CEP68: variants seen among roughly 807,000 people sequenced by gnomAD.
The protein encoded by CEP68 is centrosomal protein 68.
Under a neutral mutation model 55.3 loss-of-function variants are expected in CEP68, and 26 were observed. The observed-to-expected ratio is 0.47, with a 90% confidence interval of 0.34 to 0.65. CEP68 has a LOEUF of 0.65. Ranked by LOEUF, CEP68 falls within the 30% of genes least tolerant of loss-of-function variation. The pLI, the probability that CEP68 is intolerant of heterozygous loss-of-function variation, is 0.01. For missense variants in CEP68, 957 were observed against 946.7 expected, an observed-to-expected ratio of 1.01 and a Z score of -0.14; for synonymous variants, 402 against 383.2, an observed-to-expected ratio of 1.05 and a Z score of -0.57.
intron 5 of CEP68, among the ~76,000 whole-genome samples, chr2:65,079,776 C>T (rs528147750): frequency 2.9e-4 from 44 of 152,330 alleles, no homozygotes; most frequent in Admixed American, 7.2e-4. Context: ...CTTTCCGCAG[C>T]TTCCCAGTGT....
intron 4 of CEP68, chr2:65,074,882 A>C: frequency 4.3e-6 from 1 of 231,646 alleles, no homozygotes; most frequent in Non-Finnish European, 8.7e-6. Flanking sequence ...CACTATTATG[A>C]CGCCTCTAGT....
At chr2:65,074,792 C>T (rs1187152646) in intron 4 of CEP68, 1 of 257,858 alleles carries the variant, frequency 3.9e-6, no homozygotes, top group East Asian at 1.1e-4. Flanking sequence ...AAAGTTTTTT[C>T]TTAATTAAAA....
intron 6 of CEP68, 104 bp downstream of exon 6, chr2:65,082,813 G>GAGAT: frequency 2.1e-6 from 2 of 963,742 alleles, no homozygotes; most frequent in East Asian, 5.7e-5. Context: ...TTAAACAAAT[G>GAGAT]AGATACTGGA....
intron 1 of CEP68, among the ~76,000 whole-genome samples, chr2:65,058,828 C>G (rs765180347): frequency 6.6e-6 from 1 of 152,046 alleles, no homozygotes; most frequent in Non-Finnish European, 1.5e-5. Flanking sequence ...TTTTAAACAT[C>G]CCTTTAGCCT....
chr2:65,058,253 T>C (rs1185998806), intron 1 of CEP68, among the ~76,000 whole-genome samples: 5 of 152,184 alleles, frequency 3.3e-5, no homozygotes, highest in Non-Finnish European at 7.3e-5. Flanking sequence ...TCACCCAGGC[T>C]GGAGTACAGT....
chr2:65,080,787 C>T (rs1322718862), intron 5 of CEP68, among the ~76,000 whole-genome samples: 1 of 152,128 alleles, frequency 6.6e-6, no homozygotes, highest in Non-Finnish European at 1.5e-5. Context: ...CACTGTACTC[C>T]AGCCTGGGCA....
At chr2:65,063,625 G>C (rs1035295290) in intron 1 of CEP68, among the ~76,000 whole-genome samples, 9 of 152,190 alleles carry the variant, frequency 5.9e-5, no homozygotes, top group Admixed American at 1.3e-4. Context: ...CTACCCCAGA[G>C]GGTTAGGAGG....
intron 3 of CEP68, chr2:65,073,774 G>C (rs1676624293): frequency 6.2e-6 from 1 of 162,178 alleles, no homozygotes; most frequent in Admixed American, 5.9e-5. Flanking sequence ...CACCTTCCCA[G>C]GAGGTGACGT....
chr2:65,074,350 G>T lies in CEP68; in HGVS notation c.1953G>T (p.Gly651=), dbSNP rs201117405. Residue 651 remains glycine, a synonymous_variant, in exon 4 of 7, where the codon GGG becomes GGT. Transcript: ENST00000377990. ...LYNVADVTDH[G]TAARSNLTSL... ...ATGTTGCAGATGTTACTGACCACGG[G>T]ACTGCAGCCAGGTCCAATCTTACAA... is the stretch of plus-strand genomic sequence containing the variant. 29 of 1,614,180 alleles carry T rather than the reference G, an allele frequency of 1.8e-5. No individual in the cohort carries two copies. In the African/African-American group the frequency reaches 1.9e-4, roughly 10 times the overall value.
chr2:65,074,475 A>T, intron 4 of CEP68, 71 bp downstream of exon 4: 1 of 1,605,618 alleles, frequency 6.2e-7, no homozygotes. Context: ...TACAAAGTAA[A>T]ATCTCAAATA....
At chr2:65,060,935 G>A (rs1675883654) in intron 1 of CEP68, among the ~76,000 whole-genome samples, 1 of 152,192 alleles carries the variant, frequency 6.6e-6, no homozygotes, top group African/African-American at 2.4e-5. Context: ...CCAGCACTTT[G>A]GGAGGCCGAG....
rs1676472085 is a variant in CEP68 at position 65,071,708 on chromosome 2, C to T, written c.612C>T (p.Gly204=). 1 of 1,614,088 alleles carries T rather than the reference C, an allele frequency of 6.2e-7. No homozygotes were observed. The highest frequency in any genetic ancestry group is 1.6e-4 in the Middle Eastern group (1 of 6,062). ...SSCSISASST[G]SSLQGHQERA... is the part of the protein sequence containing the mutation. The stretch of plus-strand genomic sequence containing the variant: ...GCAGCATCTCTGCTTCCTCCACAGG[C>T]AGCAGTCTCCAGGGTCACCAGGAGA... Residue 204 remains glycine, a synonymous_variant, in exon 3 of 7, where the codon GGC becomes GGT. Transcript: ENST00000377990.
chr2:65,071,315 C>G, intron 2 of CEP68, 139 bp from the exon 3 acceptor site: 1 of 688,066 alleles, frequency 1.5e-6, no homozygotes, highest in South Asian at 1.9e-5. Context: ...CTGGTTCTTG[C>G]CTCAGGCAGC....
At chr2:65,065,839 C>A (rs762168215) in intron 1 of CEP68, among the ~76,000 whole-genome samples, 73 of 151,964 alleles carry the variant, frequency 4.8e-4, no homozygotes, top group African/African-American at 1.7e-3. Flanking sequence ...GTCTGTAGTC[C>A]CAGCTACTCA....
intron 1 of CEP68, among the ~76,000 whole-genome samples, chr2:65,062,531 T>TAAAA (rs749717190): frequency 4.6e-5 from 2 of 43,734 alleles, no homozygotes; most frequent in African/African-American, 1.8e-4. Flanking sequence ...AGACTCCATC[T>TAAAA]CAAAAAAAAA....
chr2:65,066,294 A>G (rs1676159913), intron 1 of CEP68, among the ~76,000 whole-genome samples: 1 of 152,234 alleles, frequency 6.6e-6, no homozygotes, highest in South Asian at 2.1e-4. Context: ...TATCAATGAT[A>G]TAATGAAAAG....
In CEP68 at chr2:65,082,555, G is replaced by A; in HGVS notation, c.2124G>A (p.Gly708=). Residue 708 remains glycine, a synonymous_variant, in exon 6 of 7, where the codon GGG becomes GGA. Coordinates refer to ENST00000377990, the MANE Select transcript of CEP68 (RefSeq NM_015147.3). ...TGTTAGTTTTAGAGGATGTCCTTGG[G>A]AGGATCGCAAAGCAGTCTGGTGAGC... ...ENTPVLEDVL[G]RIAKQSGELE... 1 of 1,580,774 alleles carries A rather than the reference G, an allele frequency of 6.3e-7. No individual in the cohort carries two copies.
chr2:65,077,995 GA>G, intron 5 of CEP68, 31 bp downstream of exon 5: 2 of 1,537,638 alleles, frequency 1.3e-6, no homozygotes, highest in South Asian at 1.1e-5. Flanking sequence ...GATTTAGCCA[GA>G]GCTTAATCCC....
chr2:65,060,025 C>G (rs1014836416), intron 1 of CEP68, among the ~76,000 whole-genome samples: 1 of 151,040 alleles, frequency 6.6e-6, no homozygotes, highest in African/African-American at 2.5e-5. Context: ...TAAAAAAAAA[C>G]TATTTGAGGA....
Sources: allele counts gnomAD v4.1 joint callset (sites outside exome capture counted in the v4.1 genomes callset), GRCh38; gene constraint gnomAD v4.1.1; transcripts MANE v1.5; gene names NCBI Gene and HGNC (gene_info 2026-07-23, HGNC 2026-07-21).